Variants in BCR observed in about 807,000 individuals in gnomAD.
BCR encodes breakpoint cluster region protein.
In BCR, 58 loss-of-function variants were observed where a neutral mutation model predicts 138.6. The ratio of observed to expected loss-of-function variants is 0.42; its 90% CI spans 0.34 to 0.52. BCR has a LOEUF of 0.52. BCR is among the 20% of genes least tolerant of loss of function. BCR has a pLI of 0.06. For synonymous variants in BCR, 786 were observed against 730.1 expected, an observed-to-expected ratio of 1.08 and a Z score of -1.23; for missense variants, 1,599 against 1,727.2, an observed-to-expected ratio of 0.93 and a Z score of 1.32.
intron 1 of BCR, among the ~76,000 whole-genome samples, chr22:23,226,750 T>C (rs1038516983): frequency 4.6e-5 from 7 of 152,212 alleles, no homozygotes; most frequent in Non-Finnish European, 7.3e-5. Context: ...GCTGAAGATA[T>C]TCATTAGCTG....
chr22:23,283,740 G>A, intron 8 of BCR: 1 of 508,506 alleles, frequency 2.0e-6, no homozygotes, highest in Non-Finnish European at 3.4e-6. Context: ...CACACAGGAG[G>A]GATTGGGAAA....
At chr22:23,282,910 G>A (rs1403125248) in intron 8 of BCR, among the ~76,000 whole-genome samples, 1 of 152,238 alleles carries the variant, frequency 6.6e-6, no homozygotes, top group African/African-American at 2.4e-5. Context: ...GTAGAGGCCT[G>A]TGAATGTTAC....
intron 8 of BCR, among the ~76,000 whole-genome samples, chr22:23,274,078 T>C (rs1424415328): frequency 6.6e-6 from 1 of 152,138 alleles, no homozygotes; most frequent in Admixed American, 6.5e-5. Context: ...CCCACAGTCT[T>C]GCCAGCTCAG....
At chr22:23,222,386 T>C (rs769375697) in intron 1 of BCR, among the ~76,000 whole-genome samples, 5 of 152,146 alleles carry the variant, frequency 3.3e-5, no homozygotes, top group African/African-American at 9.7e-5. Context: ...GAACACAGCA[T>C]ATGAAGATTA....
chr22:23,231,840 G>A (rs1382326124), intron 1 of BCR, among the ~76,000 whole-genome samples: 1 of 152,322 alleles, frequency 6.6e-6, no homozygotes, highest in Non-Finnish European at 1.5e-5. Flanking sequence ...TTTGTTTGGA[G>A]CTGCAGGTGT....
intron 8 of BCR, among the ~76,000 whole-genome samples, chr22:23,279,420 G>T (rs1404665721): frequency 1.3e-5 from 2 of 152,186 alleles, no homozygotes; most frequent in Non-Finnish European, 2.9e-5. Flanking sequence ...CTTGCTCCTG[G>T]TCCCACTGCC....
intron 4 of BCR, among the ~76,000 whole-genome samples, chr22:23,267,542 A>T (rs986862016): frequency 5.3e-5 from 8 of 152,226 alleles, no homozygotes; most frequent in Non-Finnish European, 1.0e-4. Flanking sequence ...CAAAACAAAC[A>T]CCAGGAGCCG....
At chr22:23,197,779 A>G (rs2072500821) in intron 1 of BCR, among the ~76,000 whole-genome samples, 1 of 150,774 alleles carries the variant, frequency 6.6e-6, no homozygotes, top group Non-Finnish European at 1.5e-5. Context: ...GTGATGGTCC[A>G]GTGGGAGTCA....
chr22:23,202,667 T>G (rs1705835795), intron 1 of BCR, among the ~76,000 whole-genome samples: 1 of 152,030 alleles, frequency 6.6e-6, no homozygotes, highest in Non-Finnish European at 1.5e-5. Flanking sequence ...TCATCTGTGT[T>G]TTACTGTGTT....
At chr22:23,264,274 CTG>C in intron 4 of BCR, 2 of 919,730 alleles carry the variant, frequency 2.2e-6, no homozygotes, top group Non-Finnish European at 3.7e-6. Context: ...CTCGGCAGCC[CTG>C]TGTACTGCCT....
At position 23,292,554 on chromosome 22, in the gene BCR, C is replaced by G; in HGVS notation, c.2796C>G (p.Thr932=). 1 of 1,613,306 alleles carries G rather than the reference C, an allele frequency of 6.2e-7. No homozygotes were observed. Among genetic ancestry groups the G allele is most frequent in the Non-Finnish European group, 8.5e-7 (1 of 1,179,512 alleles). The change falls in exon 15 of 23, where the codon ACC becomes ACG. Residue 932 remains threonine (T), a synonymous_variant. Coordinates refer to ENST00000305877, the MANE Select transcript of BCR (RefSeq NM_004327.4). ...GFKQSSNLYC[T]LEVDSFGYFV... The stretch of plus-strand genomic sequence containing the variant: ...TTCTCCCCACAGATCTGTACTGCAC[C>G]CTGGAGGTGGATTCCTTTGGGTATT...
At chr22:23,274,846 T>G (rs1185215477) in intron 8 of BCR, among the ~76,000 whole-genome samples, 2 of 138,740 alleles carry the variant, frequency 1.4e-5, no homozygotes, top group Admixed American at 7.9e-5. Context: ...AGGCGGAGTT[T>G]GCAGTGAGCC....
Position 23,182,151 on chromosome 22 carries a change from TGTC to T in BCR, c.1194_1196del (p.Val399del), listed in dbSNP as rs759920763. ...ATAAGCGGCACCGGCACTGCCCGGT[TGTC>T]GTGTCCGAGGCCACCATCGTGGGCG... On this transcript the variant is annotated inframe_deletion, in exon 1 of 23. Coordinates refer to ENST00000305877, the MANE Select transcript of BCR (RefSeq NM_004327.4). 12 of 1,609,126 alleles carry T rather than the reference TGTC, an allele frequency of 7.5e-6. No homozygotes were observed. The highest frequency in any genetic ancestry group is 1.7e-6 in the Non-Finnish European group (2 of 1,179,722).
chr22:23,180,592 A>AGCGG lies in BCR; in HGVS notation c.-369_-368insGCGG, dbSNP rs373742833. 31 of 182,140 alleles carry AGCGG rather than the reference A, an allele frequency of 1.7e-4. 2 individuals are homozygous for AGCGG. Among genetic ancestry groups the AGCGG allele is most frequent in the Non-Finnish European group, 2.0e-4 (19 of 92,880 alleles). The allele number at this position is 182,140 out of a possible 1,614,324, so 11.3% of individuals were successfully genotyped here. On this transcript the variant is annotated 5_prime_UTR_variant, in exon 1 of 23. Transcript: ENST00000305877. ...AGGAGGCGGCGGCGGCGGCGGCGGC[A>AGCGG]CGGCGGCGGCGGGGCTGTGGGGCGG...
intron 15 of BCR, among the ~76,000 whole-genome samples, chr22:23,293,367 C>T (rs1017084331): frequency 1.3e-5 from 2 of 152,170 alleles, no homozygotes; most frequent in South Asian, 2.1e-4. Context: ...TTGGTCTACA[C>T]GGGTCACGAG....
Position 23,181,329 on chromosome 22 carries a change from G to T in BCR, c.369G>T (p.Pro123=). ...PEARPDGEGS[P]GKARPGTARR... is the part of the protein sequence containing the mutation. ...CCCGGCCCGACGGCGAGGGTTCTCC[G>T]GGTAAGGCCAGGCCCGGGACCGCCC... Residue 123 remains proline (P), a synonymous_variant, in exon 1 of 23, where the codon CCG becomes CCT. Coordinates refer to ENST00000305877, the MANE Select transcript of BCR (RefSeq NM_004327.4). The T allele has an allele frequency of 7.1e-7, 1 of 1,413,604 alleles. No individual in the cohort carries two copies. The highest frequency in any genetic ancestry group is 9.2e-7 in the Non-Finnish European group (1 of 1,087,066). 87.6% of individuals were successfully genotyped at this position (1,413,604 alleles called of 1,614,324 possible). A position where few individuals can be genotyped will look rare whatever the true frequency, so the allele number is the denominator to read the frequency against.
intron 9 of BCR, among the ~76,000 whole-genome samples, chr22:23,284,451 G>C (rs764532339): frequency 6.6e-6 from 1 of 151,960 alleles, no homozygotes; most frequent in African/African-American, 2.4e-5. Context: ...GTGGCTTTCC[G>C]AGTTATCCTC....
intron 1 of BCR, among the ~76,000 whole-genome samples, chr22:23,217,509 C>T (rs2072769783): frequency 6.6e-6 from 1 of 152,188 alleles, no homozygotes; most frequent in Non-Finnish European, 1.5e-5. Context: ...TTGGCCTCCT[C>T]TGTAAGGTAG....
chr22:23,277,109 C>A (rs1037181551), intron 8 of BCR, among the ~76,000 whole-genome samples: 1 of 152,254 alleles, frequency 6.6e-6, no homozygotes, highest in Admixed American at 6.5e-5. Flanking sequence ...TTAGAATTTG[C>A]AGCCAGGGGC....
Sources: gnomAD v4.1 joint callset for allele counts (sites outside exome capture counted in the v4.1 genomes callset) on GRCh38, gnomAD v4.1.1 for gene constraint, MANE v1.5 for transcripts, NCBI Gene and HGNC (gene_info 2026-07-23, HGNC 2026-07-21) for gene names.